Variants in MLYCD observed in about 807,000 individuals in gnomAD.
The protein encoded by MLYCD is malonyl-CoA decarboxylase, mitochondrial.
MLYCD carries 27 observed loss-of-function variants against 35.8 expected under a neutral mutation model. That is an observed-to-expected ratio of 0.75 (90% CI 0.56 to 1.04). MLYCD has a LOEUF of 1.04. Among genes scored for constraint, MLYCD ranks in the 50% least tolerant of loss-of-function variants. The pLI, the probability that MLYCD is intolerant of heterozygous loss-of-function variation, is 0.00. For synonymous variants in MLYCD, 403 were observed against 302.4 expected, an observed-to-expected ratio of 1.33 and a Z score of -3.45; for missense variants, 917 against 665.1, an observed-to-expected ratio of 1.38 and a Z score of -4.17.
intron 4 of MLYCD, 61 bp downstream of exon 4, chr16:83,912,428 C>G: frequency 6.2e-7 from 1 of 1,606,058 alleles, no homozygotes; most frequent in Admixed American, 1.7e-5. Context: ...GTCAGCGAAC[C>G]TCGTGGGGTG....
At chr16:83,902,187 A>T (rs1464788843) in intron 1 of MLYCD, among the ~76,000 whole-genome samples, 1 of 135,526 alleles carries the variant, frequency 7.4e-6, no homozygotes, top group East Asian at 2.2e-4. Context: ...ATATATATAT[A>T]TATGGTTTTT....
At chr16:83,909,154 C>G (rs920389481) in intron 3 of MLYCD, among the ~76,000 whole-genome samples, 1 of 152,136 alleles carries the variant, frequency 6.6e-6, no homozygotes, top group African/African-American at 2.4e-5. Context: ...AGGGGCCATT[C>G]TGACTTCTCT....
At chr16:83,904,509 G>T (rs1348284608) in intron 1 of MLYCD, among the ~76,000 whole-genome samples, 1 of 152,136 alleles carries the variant, frequency 6.6e-6, no homozygotes, top group Non-Finnish European at 1.5e-5. Context: ...CTTTCATCCT[G>T]CCCTCTTGCT....
At chr16:83,912,073 G>C in intron 3 of MLYCD, 145 bp from the exon 4 acceptor site, 2 of 1,201,786 alleles carry the variant, frequency 1.7e-6, no homozygotes, top group Non-Finnish European at 1.2e-6. Context: ...TTTAGGCTCT[G>C]TAGCCTGAAC....
At chr16:83,907,147 T>A (rs368240211) in intron 2 of MLYCD, 48 bp downstream of exon 2, 1 of 1,451,288 alleles carries the variant, frequency 6.9e-7, no homozygotes, top group South Asian at 1.1e-5. Context: ...TTTTCATATA[T>A]ATTTGTGTAT....
At position 83,915,666 on chromosome 16, in the gene MLYCD, A is replaced by C; in HGVS notation, c.*177A>C. ...CTCAACTTCCCTCACCCTGGGCGTGACATGCACCCAGTGCAAGACGGTTGT... is the reference window on the plus strand; with the variant it reads ...CTCAACTTCCCTCACCCTGGGCGTGCCATGCACCCAGTGCAAGACGGTTGT... On this transcript the variant is annotated 3_prime_UTR_variant, in exon 5 of 5. Transcript: ENST00000262430. The C allele has an allele frequency of 6.7e-7, 1 of 1,494,884 alleles. No individual in the cohort carries two copies. 92.6% of individuals were successfully genotyped at this position (1,494,884 alleles called of 1,614,324 possible).
chr16:83,914,898 G>A (rs566482575), intron 4 of MLYCD, 58 bp from the exon 5 acceptor site: 5 of 1,611,892 alleles, frequency 3.1e-6, no homozygotes, highest in Middle Eastern at 1.7e-4. Flanking sequence ...TGTTGGTAAC[G>A]TACCTGCTGA....
intron 4 of MLYCD, chr16:83,913,150 G>A (rs1011800171): frequency 3.9e-5 from 6 of 152,620 alleles, no homozygotes; most frequent in African/African-American, 1.4e-4. Context: ...CGACAGTGTG[G>A]AGTGGGGACG....
Position 83,916,143 on chromosome 16 carries a change from C to T in MLYCD, c.*654C>T. ...ATCAGGGATTCAGGTTCATAATGAA[C>T]TTCACAGTAAAGAACACGTTTGTTC... On this transcript the variant is annotated 3_prime_UTR_variant, in exon 5 of 5. Transcript: ENST00000262430. 1.0e-6 allele frequency: 1 copy of T among 993,078 alleles called. No homozygotes were observed. Among genetic ancestry groups the T allele is most frequent in the South Asian group, 4.6e-5 (1 of 21,894 alleles). The allele number at this position is 993,078 out of a possible 1,614,324, so 61.5% of individuals were successfully genotyped here.
Position 83,899,648 on chromosome 16 carries a change from G to A in MLYCD, c.504G>A (p.Lys168=). Residue 168 remains lysine (K), a synonymous_variant, in exon 1 of 5, where the codon AAG becomes AAA. Transcript: ENST00000262430. ...ACCTGCTGGAGGCGCAGGCCCTCAA[G>A]CTGGTGGAGGGGCCGGACGTCCGGG... ...RADLLEAQAL[K]LVEGPDVREM... 6.5e-7 allele frequency: 1 copy of A among 1,544,728 alleles called. No individual in the cohort carries two copies. The highest frequency in any genetic ancestry group is 8.7e-7 in the Non-Finnish European group (1 of 1,153,636).
At position 83,915,115 on chromosome 16, in the gene MLYCD, C is replaced by G. The variant is rs886202991; in HGVS notation, c.1108C>G (p.Pro370Ala). The change falls in exon 5 of 5, where the codon CCC (proline) becomes GCC (alanine). Residue 370 changes from proline (P) to alanine (A), a missense_variant. By Grantham distance (27) the Pro-to-Ala change is conservative. Coordinates refer to ENST00000262430, the MANE Select transcript of MLYCD (RefSeq NM_012213.3). The stretch of plus-strand genomic sequence containing the variant: ...GGAAATCTCGGAGATCACAGGTGGC[C>G]CCATTAACGAGACCCTCAAGCTCCT... ...CKEISEITGG[P>A]INETLKLLLS... 1.9e-6 allele frequency: 3 copies of G among 1,614,122 alleles called. No homozygotes were observed. The highest frequency in any genetic ancestry group is 2.7e-5 in the African/African-American group (2 of 74,940).
intron 4 of MLYCD, 171 bp from the exon 5 acceptor site, chr16:83,914,785 G>T: frequency 6.1e-6 from 6 of 983,034 alleles, no homozygotes; most frequent in Middle Eastern, 3.0e-4. Flanking sequence ...ACTCTAAGAG[G>T]AAAAAAAGAA....
chr16:83,915,738 A>G lies in MLYCD; in HGVS notation c.*249A>G. ...AGTGGGTTGCTGTGCTGTCTCCGGA[A>G]GATTCTGTCGTTGCCCTTGGCCTGG... On this transcript the variant is annotated 3_prime_UTR_variant, in exon 5 of 5. Coordinates refer to ENST00000262430, the MANE Select transcript of MLYCD (RefSeq NM_012213.3). The G allele has an allele frequency of 7.2e-7, 1 of 1,382,938 alleles. No individual in the cohort carries two copies. The highest frequency in any genetic ancestry group is 9.4e-7 in the Non-Finnish European group (1 of 1,064,782). 85.7% of individuals were successfully genotyped at this position (1,382,938 alleles called of 1,614,324 possible).
rs932122896 is a variant in MLYCD at position 83,918,924 on chromosome 16, A to T, written c.*3435A>T. ...CCACACTGCACAGGAGAATATGCAT[A>T]AACAGTTCACAGGAGAACACGCACA... On this transcript the variant is annotated 3_prime_UTR_variant, in exon 5 of 5. Transcript: ENST00000262430. 1 of 150,286 alleles carries T rather than the reference A, an allele frequency of 6.7e-6. No homozygotes were observed. Among genetic ancestry groups the T allele is most frequent in the African/African-American group, 2.5e-5 (1 of 40,370 alleles). 9.3% of individuals were successfully genotyped at this position (150,286 alleles called of 1,614,324 possible).
At chr16:83,907,200 A>G (rs1253391834) in intron 2 of MLYCD, 101 bp downstream of exon 2, 1 of 1,028,738 alleles carries the variant, frequency 9.7e-7, no homozygotes, top group African/African-American at 1.6e-5. Flanking sequence ...ATTCATATGT[A>G]CAGTTTATTT....
Position 83,919,714 on chromosome 16 carries a change from AAC to A in MLYCD, c.*4231_*4232del, listed in dbSNP as rs986309607. On this transcript the variant is annotated 3_prime_UTR_variant, in exon 5 of 5. Coordinates refer to ENST00000262430, the MANE Select transcript of MLYCD (RefSeq NM_012213.3). ...GCACAGAACACACGGGGCACAGGAG[AAC>A]ACACAGTGCACAGAACACACAGTGC... 7 of 136,736 alleles carry A rather than the reference AAC, an allele frequency of 5.1e-5. No homozygotes were observed. The highest frequency in any genetic ancestry group is 2.3e-4 in the South Asian group (1 of 4,320). 8.5% of individuals were successfully genotyped at this position (136,736 alleles called of 1,614,324 possible). A position where few individuals can be genotyped will look rare whatever the true frequency, so the allele number is the denominator to read the frequency against.
At chr16:83,906,932 G>T in intron 1 of MLYCD, 55 bp from the exon 2 acceptor site, 3 of 1,432,658 alleles carry the variant, frequency 2.1e-6, no homozygotes, top group Non-Finnish European at 3.0e-6. Flanking sequence ...ACAACACAGA[G>T]ATGGGCTTGA....
intron 3 of MLYCD, among the ~76,000 whole-genome samples, chr16:83,909,267 G>C (rs770791078): frequency 1.1e-4 from 16 of 152,196 alleles, no homozygotes; most frequent in Non-Finnish European, 1.8e-4. Flanking sequence ...TCAGCCCTGA[G>C]AGTCAGATGG....
At chr16:83,913,822 AC>A (rs1407623709) in intron 4 of MLYCD, 44 of 149,198 alleles carry the variant, frequency 2.9e-4, no homozygotes, top group African/African-American at 1.0e-3. Context: ...AAAAAAAAAA[AC>A]AGTGGTTCGG....
Sources: gnomAD v4.1 joint callset for allele counts (sites outside exome capture counted in the v4.1 genomes callset) on GRCh38, gnomAD v4.1.1 for gene constraint, MANE v1.5 for transcripts, NCBI Gene and HGNC (gene_info 2026-07-23, HGNC 2026-07-21) for gene names.